Variants in HPSE2 observed in about 807,000 individuals in gnomAD.
HPSE2 encodes inactive heparanase-2.
Under a neutral mutation model 60.5 loss-of-function variants are expected in HPSE2, and 38 were observed. The ratio of observed to expected loss-of-function variants is 0.63; its 90% confidence interval spans 0.48 to 0.82. The LOEUF (loss-of-function observed/expected upper bound fraction) is 0.82, where lower values mean the gene tolerates loss of function less well. HPSE2 is among the 40% of genes least tolerant of loss of function. The pLI is 0.00. For synonymous variants in HPSE2, 295 were observed against 293.2 expected, an observed-to-expected ratio of 1.01 and a Z score of -0.06; for missense variants, 713 against 740.4, an observed-to-expected ratio of 0.96 and a Z score of 0.43.
chr10:99,255,563 T>TACAC, the HPSE2 span, among the ~76,000 whole-genome samples: 6,698 of 147,362 alleles, frequency 0.045, 219 homozygotes, highest in Non-Finnish European at 0.065. Context: ...CATGCACACA[T>TACAC]ACACACACAC....
chr10:99,168,726 C>A (rs1847182939), intron 2 of HPSE2, among the ~76,000 whole-genome samples: 2 of 152,134 alleles, frequency 1.3e-5, no homozygotes, highest in Admixed American at 1.3e-4. Context: ...AAACCTCAGT[C>A]CCCTCACAGT....
At chr10:98,899,153 G>T (rs1953586235) in intron 3 of HPSE2, among the ~76,000 whole-genome samples, 1 of 152,292 alleles carries the variant, frequency 6.6e-6, no homozygotes, top group South Asian at 2.1e-4. Context: ...AATTCTGTGT[G>T]CTTTTGTAGC....
At chr10:98,884,396 A>G (rs942634557) in intron 3 of HPSE2, among the ~76,000 whole-genome samples, 4 of 152,128 alleles carry the variant, frequency 2.6e-5, no homozygotes, top group Non-Finnish European at 5.9e-5. Context: ...ATTGGAAGAA[A>G]ATGCCCTCTA....
intron 3 of HPSE2, chr10:99,048,033 T>A (rs2862507): frequency 0.1 from 70,199 of 684,872 alleles, 4,258 homozygotes; most frequent in South Asian, 0.18. Context: ...GCAATTAATA[T>A]GCTGTGGACT....
intron 9 of HPSE2, among the ~76,000 whole-genome samples, chr10:98,588,390 A>C (rs1944996044): frequency 1.3e-5 from 2 of 152,176 alleles, no homozygotes; most frequent in Admixed American, 6.5e-5. Flanking sequence ...TTGACTTTTC[A>C]TATGGAGCTG....
intron 3 of HPSE2, among the ~76,000 whole-genome samples, chr10:98,938,433 G>A (rs775563477): frequency 2.1e-5 from 3 of 144,448 alleles, no homozygotes; most frequent in Non-Finnish European, 4.5e-5. Flanking sequence ...CGAGAACTAC[G>A]TGAAGAATGC....
intron 3 of HPSE2, among the ~76,000 whole-genome samples, chr10:98,850,632 G>C (rs1952148548): frequency 6.6e-6 from 1 of 151,732 alleles, no homozygotes; most frequent in African/African-American, 2.4e-5. Flanking sequence ...AGCTACTCGG[G>C]AGGCTGAGGC....
At chr10:98,926,865 G>T (rs938770192) in intron 3 of HPSE2, among the ~76,000 whole-genome samples, 1 of 152,112 alleles carries the variant, frequency 6.6e-6, no homozygotes, top group Non-Finnish European at 1.5e-5. Flanking sequence ...ATTTCGTTAT[G>T]TACCCAGTAG....
intron 9 of HPSE2, among the ~76,000 whole-genome samples, chr10:98,595,904 T>C (rs1219531753): frequency 6.6e-6 from 1 of 152,232 alleles, no homozygotes; most frequent in East Asian, 1.9e-4. Context: ...AGAGTTTTCA[T>C]CATGAAACAA....
intron 11 of HPSE2, 47 bp downstream of exon 11, chr10:98,482,589 A>G: frequency 6.2e-6 from 10 of 1,612,634 alleles, no homozygotes; most frequent in Non-Finnish European, 8.5e-6. Context: ...CCCCTCCCTC[A>G]GCTCCTGCTG....
intron 8 of HPSE2, among the ~76,000 whole-genome samples, 161 bp from the exon 9 acceptor site, chr10:98,615,179 G>A (rs1945873275): frequency 1.3e-5 from 2 of 152,198 alleles, no homozygotes; most frequent in South Asian, 4.1e-4. Context: ...GTTCACAGCT[G>A]TAATATATTT....
intron 6 of HPSE2, among the ~76,000 whole-genome samples, chr10:98,675,911 T>C (rs978710632): frequency 1.1e-4 from 16 of 151,636 alleles, no homozygotes; most frequent in Non-Finnish European, 2.2e-4. Context: ...GGTGCAGTGG[T>C]GCACAACTGT....
At chr10:98,854,549 C>T (rs528448449) in intron 3 of HPSE2, among the ~76,000 whole-genome samples, 6 of 152,258 alleles carry the variant, frequency 3.9e-5, no homozygotes, top group East Asian at 1.9e-4. Context: ...AATTGGCATT[C>T]ACCAAACATG....
At chr10:98,871,778 T>C in intron 3 of HPSE2, among the ~76,000 whole-genome samples, 1 of 152,008 alleles carries the variant, frequency 6.6e-6, no homozygotes, top group Non-Finnish European at 1.5e-5. Flanking sequence ...GTAAAAATGT[T>C]GCCTATCTTT....
chr10:98,988,406 A>G (rs1179638669), intron 3 of HPSE2, among the ~76,000 whole-genome samples: 2 of 152,122 alleles, frequency 1.3e-5, no homozygotes, highest in Non-Finnish European at 2.9e-5. Flanking sequence ...AGGATTCCCT[A>G]TTTAATAAAT....
At chr10:99,205,232 G>T (rs992237595) in intron 2 of HPSE2, among the ~76,000 whole-genome samples, 1 of 152,144 alleles carries the variant, frequency 6.6e-6, no homozygotes, top group South Asian at 2.1e-4. Flanking sequence ...TGTAGCTCCC[G>T]AATCTAAAAT....
At chr10:98,960,726 A>ATTTTTTT (rs68091060) in intron 3 of HPSE2, among the ~76,000 whole-genome samples, 3 of 102,594 alleles carry the variant, frequency 2.9e-5, no homozygotes, top group Admixed American at 1.0e-4. Context: ...TTTTTGTTTT[A>ATTTTTTT]TTTTTTTTAT....
At chr10:99,252,586 T>C in the HPSE2 span, among the ~76,000 whole-genome samples, 1 of 151,850 alleles carries the variant, frequency 6.6e-6, no homozygotes, top group African/African-American at 2.4e-5. Flanking sequence ...CACAAAAAAA[T>C]GAAATACCGG....
intron 3 of HPSE2, among the ~76,000 whole-genome samples, chr10:98,852,540 C>G (rs529419100): frequency 3.9e-5 from 6 of 152,204 alleles, no homozygotes; most frequent in African/African-American, 1.4e-4. Flanking sequence ...CTGCCCCATA[C>G]TCAAGAGAAA....
Sources: gnomAD v4.1 joint callset for allele counts (sites outside exome capture counted in the v4.1 genomes callset) on GRCh38, gnomAD v4.1.1 for gene constraint, MANE v1.5 for transcripts, NCBI Gene and HGNC (gene_info 2026-07-23, HGNC 2026-07-21) for gene names.